Variants in SGIP1 observed in about 807,000 individuals in gnomAD.
SGIP1 encodes SH3-containing GRB2-like protein 3-interacting protein 1.
In SGIP1, 38 loss-of-function variants were observed where a neutral mutation model predicts 107.5. The ratio of observed to expected loss-of-function variants is 0.35; its 90% CI spans 0.27 to 0.46. The LOEUF is 0.46. Ranked by LOEUF, SGIP1 falls within the 20% of genes least tolerant of loss-of-function variation. SGIP1 has a pLI of 1.00. For synonymous variants in SGIP1, 365 were observed against 366.1 expected (o/e 1.00, Z 0.03); for missense variants, 929 against 1,019.5 (o/e 0.91, Z 1.21).
chr1:66,679,808 G>A (rs377137871), intron 14 of SGIP1, 56 bp downstream of exon 14: 111 of 1,442,970 alleles, frequency 7.7e-5, no homozygotes, highest in Middle Eastern at 5.3e-4. Flanking sequence ...CAGTGGCCCC[G>A]GATGAACATG....
At chr1:66,685,171 A>T (rs2087888942) in intron 15 of SGIP1, among the ~76,000 whole-genome samples, 1 of 152,194 alleles carries the variant, frequency 6.6e-6, no homozygotes, top group Admixed American at 6.5e-5. Context: ...GCCTGATTAA[A>T]CTAACTTTCT....
chr1:66,629,399 T>C (rs913533897), intron 2 of SGIP1, among the ~76,000 whole-genome samples: 16 of 152,182 alleles, frequency 1.1e-4, no homozygotes, highest in African/African-American at 3.9e-4. Context: ...TTAGCAGTAA[T>C]ACATCAATTT....
At chr1:66,575,635 G>A (rs1240452928) in intron 1 of SGIP1, among the ~76,000 whole-genome samples, 2 of 152,152 alleles carry the variant, frequency 1.3e-5, no homozygotes, top group Non-Finnish European at 2.9e-5. Context: ...ATAGAAAAAT[G>A]ATAGTGGTCC....
intron 1 of SGIP1, among the ~76,000 whole-genome samples, chr1:66,556,304 A>G (rs12124690): frequency 0.18 from 27,472 of 151,914 alleles, 3,082 homozygotes; most frequent in South Asian, 0.52. Flanking sequence ...TTTTCCTTTG[A>G]ATTCGCGGGC....
intron 1 of SGIP1, among the ~76,000 whole-genome samples, chr1:66,610,295 T>C (rs1337364942): frequency 6.6e-6 from 1 of 152,242 alleles, no homozygotes; most frequent in Admixed American, 6.5e-5. Context: ...TGTTTTTCTA[T>C]GTGATTATAT....
chr1:66,613,368 C>T (rs1006787754), intron 1 of SGIP1, among the ~76,000 whole-genome samples: 7 of 152,156 alleles, frequency 4.6e-5, no homozygotes, highest in Non-Finnish European at 5.9e-5. Flanking sequence ...CTCACTCTGT[C>T]GTCCACGAGG....
chr1:66,554,736 C>T (rs1038298249), intron 1 of SGIP1, among the ~76,000 whole-genome samples: 2 of 152,068 alleles, frequency 1.3e-5, no homozygotes, highest in African/African-American at 2.4e-5. Context: ...ATTCAAAAAT[C>T]TGAAAAAATT....
At chr1:66,645,349 C>G (rs1325262) in intron 7 of SGIP1, among the ~76,000 whole-genome samples, 19,493 of 152,208 alleles carry the variant, frequency 0.13, 1,338 homozygotes, top group Admixed American at 0.18. Flanking sequence ...AGCTATTCCT[C>G]CAACCAGATA....
At chr1:66,596,735 T>C (rs894686356) in intron 1 of SGIP1, among the ~76,000 whole-genome samples, 2 of 151,872 alleles carry the variant, frequency 1.3e-5, no homozygotes, top group African/African-American at 4.8e-5. Context: ...TTGTACAAGA[T>C]GTTAACACTG....
intron 1 of SGIP1, among the ~76,000 whole-genome samples, chr1:66,555,078 C>T (rs557870320): frequency 2.0e-5 from 3 of 152,170 alleles, no homozygotes; most frequent in South Asian, 2.1e-4. Context: ...AATGCCTCTC[C>T]GTATTTTTCT....
At chr1:66,594,932 T>C (rs1231087422) in intron 1 of SGIP1, among the ~76,000 whole-genome samples, 1 of 152,132 alleles carries the variant, frequency 6.6e-6, no homozygotes, top group Non-Finnish European at 1.5e-5. Context: ...TTTCGCTCCT[T>C]TGGTGGGTGC....
At chr1:66,540,790 G>A (rs901298601) in intron 1 of SGIP1, among the ~76,000 whole-genome samples, 4 of 152,202 alleles carry the variant, frequency 2.6e-5, no homozygotes, top group African/African-American at 4.8e-5. Flanking sequence ...TTGAGTCTAA[G>A]TGTTGTGACT....
At chr1:66,593,239 A>C (rs924552029) in intron 1 of SGIP1, among the ~76,000 whole-genome samples, 3 of 152,188 alleles carry the variant, frequency 2.0e-5, no homozygotes, top group Non-Finnish European at 2.9e-5. Context: ...AAATATAAAT[A>C]AAGCTGCTAT....
At chr1:66,589,210 A>ATGTGTGTGTGTGTGTGTGTGTGTG (rs1351093715) in intron 1 of SGIP1, among the ~76,000 whole-genome samples, 4 of 69,028 alleles carry the variant, frequency 5.8e-5, no homozygotes, top group Non-Finnish European at 1.1e-4. Flanking sequence ...ATATATATAT[A>ATGTGTGTGTGTGTGTGTGTGTGTG]TATATATGTA....
intron 18 of SGIP1, among the ~76,000 whole-genome samples, chr1:66,716,997 C>G (rs1418947968): frequency 6.6e-6 from 1 of 152,090 alleles, no homozygotes; most frequent in Non-Finnish European, 1.5e-5. Context: ...CTCCTTCCTT[C>G]TACACTTAGT....
intron 5 of SGIP1, among the ~76,000 whole-genome samples, chr1:66,642,192 C>T (rs182343194): frequency 1.1e-4 from 16 of 152,208 alleles, no homozygotes; most frequent in South Asian, 2.1e-4. Flanking sequence ...CCCCATCTCC[C>T]GCTGTGCAGC....
intron 2 of SGIP1, among the ~76,000 whole-genome samples, chr1:66,629,718 T>G (rs1558128714): frequency 1.3e-5 from 2 of 152,150 alleles, no homozygotes; most frequent in Admixed American, 6.5e-5. Context: ...TATTTTAAAA[T>G]ACAATATAAA....
At chr1:66,622,130 G>T (rs2071305233) in intron 1 of SGIP1, among the ~76,000 whole-genome samples, 1 of 152,150 alleles carries the variant, frequency 6.6e-6, no homozygotes, top group Non-Finnish European at 1.5e-5. Context: ...CTCAGAAAAG[G>T]ATATAGAATT....
chr1:66,650,150 C>T (rs568136271), intron 7 of SGIP1, among the ~76,000 whole-genome samples: 2 of 152,220 alleles, frequency 1.3e-5, no homozygotes, highest in South Asian at 4.2e-4. Flanking sequence ...TAATTAATTA[C>T]CCATTAATTA....
Sources: allele counts gnomAD v4.1 joint callset (sites outside exome capture counted in the v4.1 genomes callset), GRCh38; gene constraint gnomAD v4.1.1; transcripts MANE v1.5; gene names NCBI Gene and HGNC (gene_info 2026-07-23, HGNC 2026-07-21).